Variants in SLC17A1 observed in about 807,000 individuals in gnomAD.
SLC17A1 encodes the protein sodium-dependent phosphate transport protein 1.
Under a neutral mutation model 53.5 loss-of-function variants are expected in SLC17A1, and 51 were observed. The ratio of observed to expected loss-of-function variants is 0.95; its 90% CI spans 0.76 to 1.20. SLC17A1 has a LOEUF of 1.20. SLC17A1 is among the 50% of genes most tolerant of loss of function. The pLI, the probability that SLC17A1 is intolerant of heterozygous loss-of-function variation, is 0.00. For missense variants in SLC17A1, 538 were observed against 568.2 expected, an observed-to-expected ratio of 0.95 and a Z score of 0.54; for synonymous variants, 179 against 198.8, an observed-to-expected ratio of 0.90 and a Z score of 0.84.
the SLC17A1 span, among the ~76,000 whole-genome samples, chr6:25,746,027 C>T: frequency 2.6e-5 from 4 of 152,170 alleles, no homozygotes; most frequent in Non-Finnish European, 5.9e-5. Context: ...GAGAGGATCA[C>T]TCATGAGCAG....
intron 11 of SLC17A1, among the ~76,000 whole-genome samples, chr6:25,799,557 C>G (rs951926257): frequency 9.2e-5 from 14 of 152,206 alleles, no homozygotes; most frequent in African/African-American, 2.6e-4. Context: ...AATTGACTTC[C>G]CAGGCTTGAC....
At chr6:25,821,837 C>A (rs1467737880) in intron 3 of SLC17A1, among the ~76,000 whole-genome samples, 2 of 151,906 alleles carry the variant, frequency 1.3e-5, no homozygotes, top group African/African-American at 4.8e-5. Flanking sequence ...CTAAGTAAAT[C>A]TTAGAAATAT....
chr6:25,763,716 C>T, the SLC17A1 span, among the ~76,000 whole-genome samples: 1 of 152,182 alleles, frequency 6.6e-6, no homozygotes, highest in Non-Finnish European at 1.5e-5. Context: ...AACCCAGAAA[C>T]CTTGAGTGAA....
chr6:25,736,864 A>G, the SLC17A1 span, among the ~76,000 whole-genome samples: 20 of 152,358 alleles, frequency 1.3e-4, no homozygotes, highest in East Asian at 3.7e-3. Flanking sequence ...ACTCATTATG[A>G]AATCACATTT....
chr6:25,765,396 G>A, the SLC17A1 span, among the ~76,000 whole-genome samples: 2 of 152,210 alleles, frequency 1.3e-5, no homozygotes, highest in South Asian at 2.1e-4. Flanking sequence ...GGCACAGAGG[G>A]ATGAAGTAAC....
In SLC17A1 at chr6:25,822,940, C is replaced by T. The variant is rs77354229; in HGVS notation, c.208-3025G>A. ...ATTCTTTATCTCCAAAAACTTCCTC[C>T]TATTTTTTTTGTAATTCCTCCCTCC... is the stretch of plus-strand genomic sequence containing the variant. On this transcript the variant is annotated intron_variant, in intron 3 of 12. Transcript: ENST00000244527. Among the ~76,000 whole-genome samples the T allele has an allele frequency of 7.9e-5, 12 of 152,014 alleles. No homozygotes were observed. In the East Asian group the frequency reaches 1.4e-3, roughly 17 times the overall value.
At chr6:25,799,830 A>T (rs893963203) in intron 11 of SLC17A1, among the ~76,000 whole-genome samples, 8 of 152,234 alleles carry the variant, frequency 5.3e-5, no homozygotes, top group African/African-American at 1.9e-4. Flanking sequence ...CACTATGCTC[A>T]GAGGGAGGAA....
chr6:25,809,401 C>T (rs1764071266), intron 10 of SLC17A1, among the ~76,000 whole-genome samples: 1 of 151,918 alleles, frequency 6.6e-6, no homozygotes, highest in South Asian at 2.1e-4. Context: ...CAAAAGCAAG[C>T]AACTTTTAGC....
At chr6:25,827,260 A>G (rs1764783754) in intron 2 of SLC17A1, among the ~76,000 whole-genome samples, 1 of 152,172 alleles carries the variant, frequency 6.6e-6, no homozygotes, top group South Asian at 2.1e-4. Flanking sequence ...TTCAAGAGAA[A>G]TACAGGTATA....
At chr6:25,818,013 TATTGGA>T (rs1033197753) in intron 6 of SLC17A1, among the ~76,000 whole-genome samples, 8 of 152,166 alleles carry the variant, frequency 5.3e-5, no homozygotes, top group African/African-American at 1.9e-4. Context: ...TCACTGTATA[TATTGGA>T]TGTCTTCTGT....
chr6:25,747,063 A>C, the SLC17A1 span, among the ~76,000 whole-genome samples: 4 of 152,346 alleles, frequency 2.6e-5, no homozygotes, highest in Non-Finnish European at 5.9e-5. Context: ...GCAGTTCACC[A>C]ACAATATCAC....
the SLC17A1 span, chr6:25,761,839 C>T: frequency 2.8e-6 from 2 of 706,270 alleles, no homozygotes; most frequent in Admixed American, 3.2e-5. Flanking sequence ...TCTTATACAG[C>T]AACATTTGCT....
At chr6:25,764,095 G>A in the SLC17A1 span, among the ~76,000 whole-genome samples, 2 of 152,168 alleles carry the variant, frequency 1.3e-5, no homozygotes, top group African/African-American at 4.8e-5. Flanking sequence ...CAAAGTCACA[G>A]GCAGAAATCC....
the SLC17A1 span, chr6:25,776,459 T>C: frequency 2.0e-5 from 21 of 1,038,938 alleles, no homozygotes; most frequent in East Asian, 4.1e-4. Flanking sequence ...TGGCTCATTA[T>C]AGTAACATGG....
In SLC17A1 at chr6:25,798,858, AG is replaced by A; in HGVS notation, c.1330del (p.Leu444Ter). 1 of 1,610,370 alleles carries A rather than the reference AG, an allele frequency of 6.2e-7. No individual in the cohort carries two copies. The highest frequency in any genetic ancestry group is 8.5e-7 in the Non-Finnish European group (1 of 1,177,546). ...ILMAAINVTG[L>X]IFYLIVATAE... is the part of the protein sequence containing the mutation. ...TGTAGCAACTATAAGGTAGAAAATT[AG>A]GCCAGTCACATTAATGGCTGCCATC... On this transcript the variant is annotated frameshift_variant, in exon 12 of 13. Coordinates refer to ENST00000244527, the MANE Select transcript of SLC17A1 (RefSeq NM_005074.5). LOFTEE classifies it high-confidence loss of function.
At chr6:25,789,787 C>T (rs1237096626) in intron 12 of SLC17A1, among the ~76,000 whole-genome samples, 4 of 151,708 alleles carry the variant, frequency 2.6e-5, no homozygotes. Context: ...GACATGGCAA[C>T]TAAATGCAAC....
chr6:25,732,529 G>A, the SLC17A1 span: 88 of 478,938 alleles, frequency 1.8e-4, no homozygotes, highest in African/African-American at 1.7e-3. Flanking sequence ...GGTGTCAACG[G>A]GCTGCTCAGC....
At chr6:25,789,082 C>T (rs1289562492) in intron 12 of SLC17A1, among the ~76,000 whole-genome samples, 1 of 152,126 alleles carries the variant, frequency 6.6e-6, no homozygotes, top group Non-Finnish European at 1.5e-5. Context: ...GCCATGAACA[C>T]ATCTACCACT....
At chr6:25,809,266 G>T (rs1198001112) in intron 10 of SLC17A1, among the ~76,000 whole-genome samples, 6 of 151,836 alleles carry the variant, frequency 4.0e-5, no homozygotes. Flanking sequence ...GAGGGTGAGG[G>T]TTAAAAAATT....
Sources: allele counts gnomAD v4.1 joint callset (sites outside exome capture counted in the v4.1 genomes callset), GRCh38; gene constraint gnomAD v4.1.1; transcripts MANE v1.5; gene names NCBI Gene and HGNC (gene_info 2026-07-23, HGNC 2026-07-21).